The following ZNF138 variants were observed in gnomAD, a reference collection of about 807,000 sequenced individuals.
The protein encoded by ZNF138 is zinc finger protein 138 (clone pHZ-32).
A neutral mutation model predicts 33.0 loss-of-function variants in ZNF138; 33 were observed. The ratio of observed to expected loss-of-function variants is 1.00; its 90% CI spans 0.76 to 1.34. ZNF138 has a LOEUF of 1.34. ZNF138 is among the 40% of genes most tolerant of loss of function. The probability of loss-of-function intolerance (pLI) is 0.00; values close to 1 mark genes in which losing one functional copy is unlikely to be tolerated. For missense variants in ZNF138, 360 were observed against 370.8 expected, an observed-to-expected ratio of 0.97 and a Z score of 0.24; for synonymous variants, 139 against 120.4, an observed-to-expected ratio of 1.15 and a Z score of -1.01.
At chr7:64,852,841 T>A in the ZNF138 span, 1 of 848,936 alleles carries the variant, frequency 1.2e-6, no homozygotes, top group South Asian at 1.3e-5. Flanking sequence ...TAGTGACTCT[T>A]CCCAGGACAA....
intron 1 of ZNF138, among the ~76,000 whole-genome samples, chr7:64,798,382 T>A (rs931891836): frequency 4.6e-5 from 7 of 152,216 alleles, no homozygotes; most frequent in African/African-American, 1.7e-4. Context: ...TTAACTATAT[T>A]TTGATTAAGA....
the ZNF138 span, among the ~76,000 whole-genome samples, chr7:64,859,286 GTTA>G: frequency 6.6e-6 from 1 of 152,078 alleles, no homozygotes; most frequent in Non-Finnish European, 1.5e-5. Context: ...TATTTTATTA[GTTA>G]TTATTGTGTT....
At position 64,799,323 on chromosome 7, in the gene ZNF138, C is replaced by T. The variant is rs530254302; in HGVS notation, c.3+4752C>T. On this transcript the variant is annotated intron_variant, in intron 1 of 3. Transcript: ENST00000307355. ...CTGGGATTACAGACATGCGCCACCA[C>T]GCCCAGCTGATTTTATATTTTTAGT... 5.0e-4 allele frequency among the ~76,000 whole-genome samples: 76 copies of T among 152,010 alleles called. 2 individuals carry two copies. In the South Asian group the frequency reaches 0.012, roughly 23 times the overall value.
At chr7:64,825,647 C>A (rs1051205454) in intron 3 of ZNF138, among the ~76,000 whole-genome samples, 1 of 150,978 alleles carries the variant, frequency 6.6e-6, no homozygotes, top group Admixed American at 6.6e-5. Context: ...TCAAGCGATT[C>A]CCCTGCCTCA....
intron 3 of ZNF138, among the ~76,000 whole-genome samples, chr7:64,818,389 G>T (rs1766337153): frequency 6.6e-6 from 1 of 152,072 alleles, no homozygotes; most frequent in South Asian, 2.1e-4. Context: ...TCCACAGTTG[G>T]ATTACAGCAG....
chr7:64,842,001 AATT>A, the ZNF138 span, among the ~76,000 whole-genome samples: 5 of 152,200 alleles, frequency 3.3e-5, no homozygotes, highest in Non-Finnish European at 4.4e-5. Flanking sequence ...TTAGAAATTA[AATT>A]ATTAAGAGTT....
chr7:64,800,267 G>T (rs1335207192), intron 1 of ZNF138, among the ~76,000 whole-genome samples: 3 of 152,152 alleles, frequency 2.0e-5, no homozygotes, highest in Non-Finnish European at 4.4e-5. Flanking sequence ...TCCTTGTCTT[G>T]TGCCAGTTTT....
downstream of ZNF138, among the ~76,000 whole-genome samples, chr7:64,834,792 A>C (rs1583912117): frequency 6.6e-6 from 1 of 152,200 alleles, no homozygotes; most frequent in African/African-American, 2.4e-5. Context: ...AAGTGTTCAG[A>C]GTAGTATTCT....
rs766771979 is a variant in ZNF138, at chr7:64,832,241, A to G, written c.*39A>G. ...ATAAGAAAATTTACACTAGAGAGAA[A>G]GCCTACAAATGTGAAGAATGTGGCA... On this transcript the variant is annotated 3_prime_UTR_variant, in exon 4 of 4. Coordinates refer to ENST00000307355, the MANE Select transcript of ZNF138 (RefSeq NM_001271639.2). 5.6e-6 allele frequency: 9 copies of G among 1,602,952 alleles called. No homozygotes were observed. The highest frequency in any genetic ancestry group is 3.4e-5 in the Admixed American group (2 of 58,226).
At chr7:64,847,077 G>A in the ZNF138 span, among the ~76,000 whole-genome samples, 2 of 152,042 alleles carry the variant, frequency 1.3e-5, no homozygotes, top group Non-Finnish European at 2.9e-5. Flanking sequence ...GACTCCACAT[G>A]TTAAACCATC....
chr7:64,799,966 T>A (rs899114127), intron 1 of ZNF138, among the ~76,000 whole-genome samples: 1 of 152,206 alleles, frequency 6.6e-6, no homozygotes, highest in Non-Finnish European at 1.5e-5. Flanking sequence ...TGTTTTTGAT[T>A]TGGCTTTTGG....
chr7:64,806,106 C>G lies in ZNF138; in HGVS notation c.4-8812C>G, dbSNP rs1020684312. 2.0e-5 allele frequency among the ~76,000 whole-genome samples: 3 copies of G among 152,324 alleles called. No homozygotes were observed. In the South Asian group the frequency reaches 6.2e-4, roughly 32 times the overall value. Reference sequence around the variant, plus strand: ...TTCTTTTAATTATATTTTCCAATCACTGTAGAATAACCACATATAATATAA... The same window carrying G: ...TTCTTTTAATTATATTTTCCAATCAGTGTAGAATAACCACATATAATATAA... On this transcript the variant is annotated intron_variant, in intron 1 of 3. Transcript: ENST00000307355.
chr7:64,853,147 A>G, the ZNF138 span: 1 of 1,462,470 alleles, frequency 6.8e-7, no homozygotes, highest in African/African-American at 1.4e-5. Flanking sequence ...AAGGAATGAC[A>G]AGTATCCATT....
At chr7:64,813,966 C>G (rs1788401603) in intron 1 of ZNF138, 2 of 1,020,306 alleles carry the variant, frequency 2.0e-6, no homozygotes, top group Admixed American at 5.0e-5. Context: ...GTGGATAAAC[C>G]ATCACATTTA....
At chr7:64,825,650 C>T (rs576799838) in intron 3 of ZNF138, among the ~76,000 whole-genome samples, 308 of 151,878 alleles carry the variant, frequency 2.0e-3, no homozygotes, top group African/African-American at 6.9e-3. Flanking sequence ...AGCGATTCCC[C>T]TGCCTCAGCC....
At chr7:64,857,814 C>T in the ZNF138 span, among the ~76,000 whole-genome samples, 1 of 152,200 alleles carries the variant, frequency 6.6e-6, no homozygotes, top group Non-Finnish European at 1.5e-5. Context: ...AATAGCACCA[C>T]ATGCTTTCCT....
chr7:64,817,708 T>C (rs1490446949), intron 3 of ZNF138, among the ~76,000 whole-genome samples: 3 of 152,160 alleles, frequency 2.0e-5, no homozygotes, highest in African/African-American at 7.2e-5. Context: ...CATAAAAAAA[T>C]AGGGCATCTT....
At chr7:64,816,077 A>T (rs150253094) in intron 3 of ZNF138, among the ~76,000 whole-genome samples, 3 of 151,494 alleles carry the variant, frequency 2.0e-5, no homozygotes, top group Non-Finnish European at 2.9e-5. Context: ...ATTTTTCTGC[A>T]TATTCCATTC....
intron 3 of ZNF138, among the ~76,000 whole-genome samples, chr7:64,822,032 T>G (rs1291419149): frequency 6.7e-6 from 1 of 148,434 alleles, no homozygotes; most frequent in Admixed American, 6.7e-5. Context: ...CATTCTTCTG[T>G]CTCTGCCTCC....
Sources: allele counts gnomAD v4.1 joint callset (sites outside exome capture counted in the v4.1 genomes callset), GRCh38; gene constraint gnomAD v4.1.1; transcripts MANE v1.5; gene names NCBI Gene and HGNC (gene_info 2026-07-23, HGNC 2026-07-21).